Variants in NEGR1 observed in about 807,000 individuals in gnomAD.
The protein encoded by NEGR1 is neuronal growth regulator 1.
In NEGR1, 10 loss-of-function variants were observed where a neutral mutation model predicts 40.9. That is an observed-to-expected ratio of 0.24 (90% CI 0.15 to 0.42). The LOEUF (loss-of-function observed/expected upper bound fraction) is 0.42, where lower values mean the gene tolerates loss of function less well. Ranked by LOEUF, NEGR1 falls within the 10% of genes least tolerant of loss-of-function variation. NEGR1 has a pLI of 1.00. For missense variants in NEGR1, 352 were observed against 438.9 expected (o/e 0.80, Z 1.77); for synonymous variants, 185 against 166.8 (o/e 1.11, Z -0.84).
chr1:72,070,564 C>T (rs1647419338), intron 1 of NEGR1, among the ~76,000 whole-genome samples: 1 of 151,920 alleles, frequency 6.6e-6, no homozygotes, highest in Admixed American at 6.6e-5. Context: ...TGTATAGATT[C>T]TAAACTCATC....
intron 1 of NEGR1, among the ~76,000 whole-genome samples, chr1:72,146,698 A>C (rs943835667): frequency 3.3e-5 from 5 of 152,214 alleles, no homozygotes; most frequent in Non-Finnish European, 5.9e-5. Flanking sequence ...CAAATATACA[A>C]AAATCTGAAA....
At chr1:72,123,490 T>A (rs919533033) in intron 1 of NEGR1, among the ~76,000 whole-genome samples, 1 of 151,770 alleles carries the variant, frequency 6.6e-6, no homozygotes, top group African/African-American at 2.4e-5. Flanking sequence ...CATATGGAGA[T>A]AAAGGCAAAT....
chr1:71,821,528 C>G (rs1658428842), intron 2 of NEGR1, among the ~76,000 whole-genome samples: 1 of 151,914 alleles, frequency 6.6e-6, no homozygotes, highest in Admixed American at 6.6e-5. Context: ...AAAAGTTGAA[C>G]AAAATTTGAG....
intron 6 of NEGR1, among the ~76,000 whole-genome samples, chr1:71,559,934 A>G (rs1648390311): frequency 6.6e-6 from 1 of 151,262 alleles, no homozygotes; most frequent in Non-Finnish European, 1.5e-5. Context: ...TTTCAACCTT[A>G]CTTTCTCCTA....
intron 1 of NEGR1, among the ~76,000 whole-genome samples, chr1:71,937,803 T>A (rs1174942360): frequency 6.6e-6 from 1 of 152,072 alleles, no homozygotes; most frequent in African/African-American, 2.4e-5. Flanking sequence ...AATTAATTAT[T>A]AGTGGATGTT....
At chr1:72,182,303 G>A (rs1215758575) in intron 1 of NEGR1, among the ~76,000 whole-genome samples, 1 of 152,086 alleles carries the variant, frequency 6.6e-6, no homozygotes, top group African/African-American at 2.4e-5. Flanking sequence ...AAACCAGCCT[G>A]ACCAACATGG....
intron 1 of NEGR1, among the ~76,000 whole-genome samples, chr1:72,012,868 T>C (rs201527761): frequency 0.12 from 13,496 of 115,480 alleles, 654 homozygotes; most frequent in Middle Eastern, 0.19. Flanking sequence ...CACACACACA[T>C]ATATATATAT....
intron 2 of NEGR1, among the ~76,000 whole-genome samples, chr1:71,796,735 T>A (rs946389267): frequency 1.3e-5 from 2 of 152,134 alleles, no homozygotes; most frequent in Non-Finnish European, 2.9e-5. Context: ...TCATACTTCT[T>A]TACAATCTCT....
rs541634567 is a variant in NEGR1 at position 71,511,408 on chromosome 1, A to G, written c.940+81409T>C. On this transcript the variant is annotated intron_variant, in intron 6 of 6. Transcript: ENST00000357731. ...CAACAGAACCATTTTCTTTCAAAAT[A>G]TGTTACAAGACCAGCATTTGCTATG... is the stretch of plus-strand genomic sequence containing the variant. 8.5e-5 allele frequency among the ~76,000 whole-genome samples: 13 copies of G among 152,310 alleles called. No homozygotes were observed. In the South Asian group the frequency reaches 2.1e-3, roughly 24 times the overall value.
intron 6 of NEGR1, among the ~76,000 whole-genome samples, chr1:71,505,327 G>A (rs1051665166): frequency 1.1e-4 from 17 of 150,662 alleles, no homozygotes; most frequent in East Asian, 3.9e-4. Context: ...TCGCTCTTTC[G>A]CCGGAGTGCA....
intron 1 of NEGR1, among the ~76,000 whole-genome samples, chr1:71,982,969 G>A (rs891411697): frequency 8.6e-5 from 13 of 151,990 alleles, no homozygotes; most frequent in African/African-American, 2.4e-4. Context: ...TATCTTTCTC[G>A]GGTGTTGATG....
At position 71,739,724 on chromosome 1, in the gene NEGR1, T is replaced by C. The variant is rs537871075; in HGVS notation, c.535+36448A>G. On this transcript the variant is annotated intron_variant, in intron 3 of 6. Coordinates refer to ENST00000357731, the MANE Select transcript of NEGR1 (RefSeq NM_173808.3). Reference sequence around the variant, plus strand: ...TAAAAAGTTTATTGAGCACCTACACTGGTAAAACAAACAGCTAAAAATCAC... The same window carrying C: ...TAAAAAGTTTATTGAGCACCTACACCGGTAAAACAAACAGCTAAAAATCAC... Among the ~76,000 whole-genome samples the C allele has an allele frequency of 3.3e-5, 5 of 152,284 alleles. No individual in the cohort carries two copies. In the South Asian group the frequency reaches 1.0e-3, roughly 32 times the overall value.
intron 1 of NEGR1, among the ~76,000 whole-genome samples, chr1:72,162,182 T>TAAA (rs1485595575): frequency 7.9e-5 from 12 of 152,010 alleles, no homozygotes; most frequent in African/African-American, 2.4e-4. Flanking sequence ...CCAGGTGCAG[T>TAAA]GGCTCACGCC....
intron 1 of NEGR1, among the ~76,000 whole-genome samples, chr1:72,233,658 T>A (rs1654454421): frequency 1.3e-5 from 2 of 152,184 alleles, no homozygotes; most frequent in African/African-American, 2.4e-5. Flanking sequence ...TATTCTAGGA[T>A]GTATACATAC....
intron 4 of NEGR1, among the ~76,000 whole-genome samples, chr1:71,652,172 A>G (rs1651737857): frequency 6.6e-6 from 1 of 152,228 alleles, no homozygotes; most frequent in African/African-American, 2.4e-5. Context: ...ATCCAAAAAC[A>G]GCAATGTCTA....
chr1:71,872,565 C>A (rs1660309384), intron 2 of NEGR1, among the ~76,000 whole-genome samples: 1 of 152,158 alleles, frequency 6.6e-6, no homozygotes, highest in Non-Finnish European at 1.5e-5. Flanking sequence ...CAGCCTGCAT[C>A]TCTCAGTGAC....
intron 4 of NEGR1, among the ~76,000 whole-genome samples, chr1:71,641,629 C>T (rs1651355112): frequency 6.6e-6 from 1 of 151,906 alleles, no homozygotes; most frequent in Admixed American, 6.6e-5. Flanking sequence ...GGGAGGATAT[C>T]ACCTTCTCAG....
At chr1:71,579,603 ATTTTTTTT>A in intron 6 of NEGR1, among the ~76,000 whole-genome samples, 1 of 138,878 alleles carries the variant, frequency 7.2e-6, no homozygotes, top group Middle Eastern at 3.7e-3. Context: ...ACTACTTAAG[ATTTTTTTT>A]TTTTTTTTTG....
intron 6 of NEGR1, among the ~76,000 whole-genome samples, chr1:71,418,961 C>T (rs926314823): frequency 6.6e-6 from 1 of 152,064 alleles, no homozygotes; most frequent in African/African-American, 2.4e-5. Flanking sequence ...TTGTATTTTG[C>T]CTTACATCTT....
Sources: gnomAD v4.1 joint callset for allele counts (sites outside exome capture counted in the v4.1 genomes callset) on GRCh38, gnomAD v4.1.1 for gene constraint, MANE v1.5 for transcripts, NCBI Gene and HGNC (gene_info 2026-07-23, HGNC 2026-07-21) for gene names.